The following FAM117B variants were observed in gnomAD, a reference collection of about 807,000 sequenced individuals.
The protein encoded by FAM117B is protein FAM117B.
FAM117B carries 22 observed loss-of-function variants against 52.8 expected under a neutral mutation model. The ratio of observed to expected loss-of-function variants is 0.42; its 90% CI spans 0.30 to 0.59. FAM117B has a LOEUF of 0.59. Among genes scored for constraint, FAM117B ranks in the 20% least tolerant of loss-of-function variants. FAM117B has a pLI of 0.22. For missense variants in FAM117B, 678 were observed against 802.6 expected, an observed-to-expected ratio of 0.84 and a Z score of 1.88; for synonymous variants, 309 against 324.1, an observed-to-expected ratio of 0.95 and a Z score of 0.50.
At chr2:202,657,995 C>T (rs1298849595) in intron 1 of FAM117B, among the ~76,000 whole-genome samples, 1 of 152,140 alleles carries the variant, frequency 6.6e-6, no homozygotes, top group Non-Finnish European at 1.5e-5. Context: ...ATGCAGAAAT[C>T]ACACAATCTA....
intron 3 of FAM117B, 32 bp downstream of exon 3, chr2:202,725,041 G>A (rs759022227): frequency 1.5e-5 from 23 of 1,523,468 alleles, no homozygotes; most frequent in Non-Finnish European, 1.9e-5. Flanking sequence ...TAGTGGGTGT[G>A]GAAATATGAT....
At chr2:202,639,501 A>T (rs1189051536) in intron 1 of FAM117B, among the ~76,000 whole-genome samples, 3 of 152,204 alleles carry the variant, frequency 2.0e-5, no homozygotes, top group Non-Finnish European at 4.4e-5. Context: ...TTAACCAGAA[A>T]GTTTATTTTT....
chr2:202,743,170 C>G (rs1358048618), intron 4 of FAM117B, among the ~76,000 whole-genome samples: 4 of 152,212 alleles, frequency 2.6e-5, no homozygotes, highest in Non-Finnish European at 5.9e-5. Context: ...CCCACTGCCA[C>G]CACTGCTGAT....
intron 4 of FAM117B, among the ~76,000 whole-genome samples, chr2:202,750,108 C>T (rs1166521905): frequency 1.3e-5 from 2 of 152,206 alleles, no homozygotes; most frequent in Non-Finnish European, 2.9e-5. Flanking sequence ...TTGCAGACAG[C>T]TCCCTTCTTG....
chr2:202,649,528 A>T (rs1689924983), intron 1 of FAM117B, among the ~76,000 whole-genome samples: 1 of 150,514 alleles, frequency 6.6e-6, no homozygotes, highest in South Asian at 2.1e-4. Context: ...AAACTTTGTA[A>T]TGCTTTGTTA....
chr2:202,670,000 T>G (rs1037237417), intron 1 of FAM117B, among the ~76,000 whole-genome samples: 4 of 152,200 alleles, frequency 2.6e-5, no homozygotes, highest in African/African-American at 9.6e-5. Flanking sequence ...TGGGTCTGTT[T>G]GTTAGCTTCA....
rs1344623806 is a variant in FAM117B at position 202,766,818 on chromosome 2, A to G, written c.*1054A>G. 6.6e-6 allele frequency: 1 copy of G among 152,102 alleles called. No individual in the cohort carries two copies. The highest frequency in any genetic ancestry group is 1.5e-5 in the Non-Finnish European group (1 of 68,056). The allele number at this position is 152,102 out of a possible 1,614,324, so 9.4% of individuals were successfully genotyped here. A position where few individuals can be genotyped will look rare whatever the true frequency, so the allele number is the denominator to read the frequency against. ...ATGGATTTCCTCCTTTGCCCTTGTGATGTTGTTGTCTTGTGGATTTGGTTG... is the reference window on the plus strand; with the variant it reads ...ATGGATTTCCTCCTTTGCCCTTGTGGTGTTGTTGTCTTGTGGATTTGGTTG... On this transcript the variant is annotated 3_prime_UTR_variant, in exon 8 of 8. Coordinates refer to ENST00000392238, the MANE Select transcript of FAM117B (RefSeq NM_173511.4).
chr2:202,714,787 G>A lies in FAM117B; in HGVS notation c.754-10130G>A, dbSNP rs537156982. ...TGTTTAACAAAGCACATCTTGCACC[G>A]CCCTTAATCCATTTAACCCTGAGTG... On this transcript the variant is annotated intron_variant, in intron 2 of 7. Coordinates refer to ENST00000392238, the MANE Select transcript of FAM117B (RefSeq NM_173511.4). 1.5e-4 allele frequency among the ~76,000 whole-genome samples: 23 copies of A among 151,740 alleles called. 1 individual carries two copies. In the South Asian group the frequency reaches 4.2e-3, roughly 28 times the overall value.
chr2:202,711,600 TA>T (rs1273191330), intron 2 of FAM117B, among the ~76,000 whole-genome samples: 2 of 152,206 alleles, frequency 1.3e-5, no homozygotes, highest in African/African-American at 2.4e-5. Flanking sequence ...TGTGGGTTAT[TA>T]CTCAAGAAAT....
intron 2 of FAM117B, among the ~76,000 whole-genome samples, chr2:202,705,141 T>A (rs1030007973): frequency 6.6e-6 from 1 of 151,852 alleles, no homozygotes; most frequent in East Asian, 1.9e-4. Context: ...ACCCCATCTC[T>A]ACTAAAAATA....
intron 1 of FAM117B, among the ~76,000 whole-genome samples, chr2:202,654,062 TGAGAGAGAGAGA>T (rs60490884): frequency 0.012 from 1,586 of 134,850 alleles, 28 homozygotes; most frequent in African/African-American, 0.039. Flanking sequence ...AGAGAGTGAG[TGAGAGAGAGAGA>T]GAGAGAGAGA....
At chr2:202,671,096 T>C (rs1417367861) in intron 1 of FAM117B, among the ~76,000 whole-genome samples, 5 of 152,208 alleles carry the variant, frequency 3.3e-5, no homozygotes. Flanking sequence ...TTTAAACATA[T>C]TGCTTCCCAC....
intron 2 of FAM117B, among the ~76,000 whole-genome samples, chr2:202,696,916 A>G (rs986016330): frequency 6.6e-6 from 1 of 152,168 alleles, no homozygotes; most frequent in Non-Finnish European, 1.5e-5. Flanking sequence ...AAAAAATACA[A>G]AAATTAGCCG....
At chr2:202,683,421 T>C (rs1690493296) in intron 1 of FAM117B, among the ~76,000 whole-genome samples, 1 of 152,142 alleles carries the variant, frequency 6.6e-6, no homozygotes, top group Non-Finnish European at 1.5e-5. Context: ...TAAATAAAAT[T>C]GATAAACCTT....
Position 202,680,266 on chromosome 2 carries a change from A to G in FAM117B, c.602-15615A>G, listed in dbSNP as rs180763835. On this transcript the variant is annotated intron_variant, in intron 1 of 7. Transcript: ENST00000392238. The stretch of plus-strand genomic sequence containing the variant: ...AAGAAGAAGGAAGAGCCACAAAAAA[A>G]GTCTGACAAGGGAGAGGGGGGAGGG... Among the ~76,000 whole-genome samples the G allele has an allele frequency of 1.6e-4, 24 of 152,296 alleles. No homozygotes were observed. In the East Asian group the frequency reaches 3.5e-3, roughly 22 times the overall value.
chr2:202,671,696 T>G (rs1187098082), intron 1 of FAM117B, among the ~76,000 whole-genome samples: 3 of 152,244 alleles, frequency 2.0e-5, no homozygotes, highest in East Asian at 3.8e-4. Context: ...CCTTTGATTT[T>G]GATTAAAATT....
At chr2:202,683,260 C>A (rs1159653148) in intron 1 of FAM117B, among the ~76,000 whole-genome samples, 2 of 150,182 alleles carry the variant, frequency 1.3e-5, no homozygotes, top group East Asian at 3.9e-4. Flanking sequence ...CCCTGGGAGG[C>A]GGAGGGTACA....
At chr2:202,636,781 G>A (rs1689693861) in intron 1 of FAM117B, among the ~76,000 whole-genome samples, 2 of 152,146 alleles carry the variant, frequency 1.3e-5, no homozygotes, top group Admixed American at 1.3e-4. Flanking sequence ...GGGAATTTCA[G>A]GAAACAAATT....
intron 4 of FAM117B, among the ~76,000 whole-genome samples, chr2:202,731,982 G>T (rs370663213): frequency 6.6e-6 from 1 of 151,308 alleles, no homozygotes; most frequent in Non-Finnish European, 1.5e-5. Flanking sequence ...TGATCTGCCC[G>T]CCTCGGCCTC....
Sources: allele counts gnomAD v4.1 joint callset (sites outside exome capture counted in the v4.1 genomes callset), GRCh38; gene constraint gnomAD v4.1.1; transcripts MANE v1.5; gene names NCBI Gene and HGNC (gene_info 2026-07-23, HGNC 2026-07-21).